The following RAP1GAP2 variants were observed in gnomAD, a reference collection of about 807,000 sequenced individuals.
The protein encoded by RAP1GAP2 is RAP1 GTPase activating protein 2.
In RAP1GAP2, 27 loss-of-function variants were observed where a neutral mutation model predicts 95.0. The ratio of observed to expected loss-of-function variants is 0.28; its 90% CI spans 0.21 to 0.39. The LOEUF is 0.39. Among genes scored for constraint, RAP1GAP2 ranks in the 10% least tolerant of loss-of-function variants. RAP1GAP2 has a pLI of 1.00. For missense variants in RAP1GAP2, 771 were observed against 970.0 expected, an observed-to-expected ratio of 0.79 and a Z score of 2.72; for synonymous variants, 373 against 380.9, an observed-to-expected ratio of 0.98 and a Z score of 0.24.
intron 2 of RAP1GAP2, among the ~76,000 whole-genome samples, chr17:2,895,907 C>A (rs770624598): frequency 1.3e-5 from 2 of 152,090 alleles, no homozygotes; most frequent in South Asian, 2.1e-4. Flanking sequence ...CCTGCTGTGC[C>A]CTCGAATGGT....
At chr17:2,846,486 C>G (rs939300524) in intron 2 of RAP1GAP2, among the ~76,000 whole-genome samples, 1 of 152,150 alleles carries the variant, frequency 6.6e-6, no homozygotes, top group Non-Finnish European at 1.5e-5. Context: ...TCTCGGCTCA[C>G]TGCAACCTCC....
At chr17:2,766,866 T>C (rs2151760914) in intron 1 of RAP1GAP2, among the ~76,000 whole-genome samples, 1 of 152,260 alleles carries the variant, frequency 6.6e-6, no homozygotes, top group South Asian at 2.1e-4. Flanking sequence ...GGGTCCTCCT[T>C]ATCTTGTCCT....
chr17:2,822,528 G>A (rs1299047240), intron 2 of RAP1GAP2, among the ~76,000 whole-genome samples: 1 of 152,114 alleles, frequency 6.6e-6, no homozygotes, highest in Non-Finnish European at 1.5e-5. Context: ...TTGGGAGTCA[G>A]GTGGGAGGAT....
intron 3 of RAP1GAP2, among the ~76,000 whole-genome samples, chr17:2,955,053 C>G (rs372078659): frequency 2.0e-5 from 3 of 152,178 alleles, no homozygotes; most frequent in Non-Finnish European, 2.9e-5. Context: ...TTGTACCCAC[C>G]GTTTGGCAAG....
intron 2 of RAP1GAP2, among the ~76,000 whole-genome samples, chr17:2,842,043 T>TG (rs1486163062): frequency 6.6e-6 from 1 of 152,184 alleles, no homozygotes; most frequent in Non-Finnish European, 1.5e-5. Context: ...TGCCAGGTAC[T>TG]GGGTCCTTCC....
Position 2,857,085 on chromosome 17 carries a change from A to G in RAP1GAP2, c.81-48199A>G, listed in dbSNP as rs1187248721. ...CCCCATACTCCATGCTGGGCGTTAC[A>G]TTTGATGAGCTCTTCCTTCCACCAC... is the stretch of plus-strand genomic sequence containing the variant. On this transcript the variant is annotated intron_variant, in intron 2 of 24. Transcript: ENST00000254695. This position sits in a 1 kb window ranked among gnomAD's most constrained non-coding sequence, Gnocchi z 4.0. Among the ~76,000 whole-genome samples the G allele has an allele frequency of 1.3e-5, 2 of 152,178 alleles. No homozygotes were observed. The highest frequency in any genetic ancestry group is 4.8e-5 in the African/African-American group (2 of 41,446).
chr17:2,767,570 C>A (rs1258492304), intron 1 of RAP1GAP2, among the ~76,000 whole-genome samples: 1 of 147,532 alleles, frequency 6.8e-6, no homozygotes, highest in Non-Finnish European at 1.5e-5. Context: ...TTATTCCCTG[C>A]CCCCTTTTTA....
chr17:3,002,223 A>G (rs2046184886), intron 14 of RAP1GAP2, among the ~76,000 whole-genome samples: 1 of 152,148 alleles, frequency 6.6e-6, no homozygotes, highest in African/African-American at 2.4e-5. Context: ...GGCCTCCCAA[A>G]GTGCTGGCAT....
intron 3 of RAP1GAP2, among the ~76,000 whole-genome samples, chr17:2,942,703 C>G (rs1011747590): frequency 6.6e-6 from 1 of 152,110 alleles, no homozygotes; most frequent in Non-Finnish European, 1.5e-5. Flanking sequence ...TTAAAGTGAA[C>G]AACTCAGTGG....
In RAP1GAP2 at chr17:2,929,149, C is replaced by T. The variant is rs577062464; in HGVS notation, c.165+23781C>T. On this transcript the variant is annotated intron_variant, in intron 3 of 24. Transcript: ENST00000254695. ...TTGGGAGGCTGAGGCGGGAGGATCC[C>T]TGGAGCCCAGGCATTTGAGGCTGCA... Among the ~76,000 whole-genome samples the T allele has an allele frequency of 2.6e-4, 39 of 152,286 alleles. No individual in the cohort carries two copies. In the South Asian group the frequency reaches 6.6e-3, roughly 26 times the overall value.
intron 1 of RAP1GAP2, among the ~76,000 whole-genome samples, chr17:2,785,168 T>C (rs773589962): frequency 6.6e-6 from 1 of 152,164 alleles, no homozygotes; most frequent in African/African-American, 2.4e-5. Flanking sequence ...ATCTGGGGGT[T>C]TGCACGAGCC....
At chr17:2,781,848 CTG>C (rs1274366010) in intron 1 of RAP1GAP2, among the ~76,000 whole-genome samples, 4 of 149,844 alleles carry the variant, frequency 2.7e-5, no homozygotes, top group South Asian at 2.1e-4. Context: ...GGGCACGTCT[CTG>C]TGTGGGCAGG....
intron 2 of RAP1GAP2, among the ~76,000 whole-genome samples, chr17:2,898,336 G>T (rs114732762): frequency 2.0e-5 from 3 of 152,070 alleles, no homozygotes; most frequent in African/African-American, 7.2e-5. Context: ...GAACAGGTGC[G>T]CAACACCTGC....
At chr17:2,806,787 C>T (rs1187032763) in intron 2 of RAP1GAP2, among the ~76,000 whole-genome samples, 1 of 152,024 alleles carries the variant, frequency 6.6e-6, no homozygotes, top group African/African-American at 2.4e-5. Context: ...TCTTGGCTCA[C>T]TGTGACACCT....
At chr17:2,953,958 C>T (rs940234740) in intron 3 of RAP1GAP2, among the ~76,000 whole-genome samples, 3 of 152,148 alleles carry the variant, frequency 2.0e-5, no homozygotes, top group African/African-American at 4.8e-5. Context: ...TGCTTTGAAA[C>T]GAAATCCGTA....
chr17:2,929,698 C>T (rs963056837), intron 3 of RAP1GAP2, among the ~76,000 whole-genome samples: 3 of 152,194 alleles, frequency 2.0e-5, no homozygotes, highest in Non-Finnish European at 2.9e-5. Context: ...CCCCTGGTAG[C>T]GAAGACCCCG....
chr17:2,859,543 C>T lies in RAP1GAP2; in HGVS notation c.81-45741C>T, dbSNP rs1398121358. On this transcript the variant is annotated intron_variant, in intron 2 of 24. Coordinates refer to ENST00000254695, the MANE Select transcript of RAP1GAP2 (RefSeq NM_015085.5). ...TTCCGCCTCCTGGGCTCGAGTGATT[C>T]TCCCACCTCAGCCTCCCAAGTAGCT... Among the ~76,000 whole-genome samples, 3 of 152,122 alleles carry T rather than the reference C, an allele frequency of 2.0e-5. No individual in the cohort carries two copies. In the East Asian group the frequency reaches 5.8e-4, roughly 29 times the overall value.
rs574371602 is a variant in RAP1GAP2, at chr17:2,887,074, G to A, written c.81-18210G>A. Among the ~76,000 whole-genome samples, 4 of 146,942 alleles carry A rather than the reference G, an allele frequency of 2.7e-5. No individual in the cohort carries two copies. In the South Asian group the frequency reaches 8.6e-4, roughly 32 times the overall value. On this transcript the variant is annotated intron_variant, in intron 2 of 24. Transcript: ENST00000254695. ...GATATGATGATGATGACGAATAATA[G>A]TTTTTTTTTTTTTGGAGACAGGATC... is the stretch of plus-strand genomic sequence containing the variant.
At chr17:3,009,428 C>T (rs1448654117) in intron 17 of RAP1GAP2, among the ~76,000 whole-genome samples, 1 of 152,114 alleles carries the variant, frequency 6.6e-6, no homozygotes. Flanking sequence ...TAATGATAGG[C>T]ATAGTATTAT....
Sources: allele counts gnomAD v4.1 joint callset (sites outside exome capture counted in the v4.1 genomes callset), GRCh38; gene constraint gnomAD v4.1.1; non-coding constraint Gnocchi (gnomAD v3.1); transcripts MANE v1.5; gene names NCBI Gene and HGNC (gene_info 2026-07-23, HGNC 2026-07-21).